Variants in LEPR observed in about 807,000 individuals in gnomAD.
LEPR encodes the protein leptin receptor.
Under a neutral mutation model 114.7 loss-of-function variants are expected in LEPR, and 56 were observed. The observed-to-expected ratio is 0.49, with a 90% CI of 0.39 to 0.61. The LOEUF is 0.61. Among genes scored for constraint, LEPR ranks in the 20% least tolerant of loss-of-function variants. LEPR has a pLI of 0.00. For synonymous variants in LEPR, 443 were observed against 461.4 expected (o/e 0.96, Z 0.51); for missense variants, 1,202 against 1,352.9 (o/e 0.89, Z 1.75).
intron 2 of LEPR, among the ~76,000 whole-genome samples, chr1:65,481,265 C>G (rs1386212791): frequency 6.6e-6 from 1 of 152,064 alleles, no homozygotes; most frequent in East Asian, 1.9e-4. Flanking sequence ...AATACAGTCA[C>G]AATTCGAGGA....
chr1:65,544,386 A>G (rs1205984984), intron 2 of LEPR, among the ~76,000 whole-genome samples: 1 of 151,970 alleles, frequency 6.6e-6, no homozygotes, highest in African/African-American at 2.4e-5. Context: ...GTCCTCTGCA[A>G]ACAGAGACAA....
At chr1:65,504,475 CTT>C (rs1342177792) in intron 2 of LEPR, among the ~76,000 whole-genome samples, 1 of 152,180 alleles carries the variant, frequency 6.6e-6, no homozygotes, top group African/African-American at 2.4e-5. Context: ...GGAAATGACA[CTT>C]AACTTCTGTG....
In LEPR at chr1:65,608,735, T is replaced by C; in HGVS notation, c.1604-18T>C. 1 of 1,610,698 alleles carries C rather than the reference T, an allele frequency of 6.2e-7. No homozygotes were observed. Among genetic ancestry groups the C allele is most frequent in the Non-Finnish European group, 8.5e-7 (1 of 1,177,914 alleles). On this transcript the variant is annotated intron_variant, in intron 11 of 19. Transcript: ENST00000349533. ...TATTTAAATTACCATCACTTAATAC[T>C]ATTGTAAAAATTTCTAGTGAAGCCA...
Position 65,550,343 on chromosome 1 carries a change from A to C in LEPR, c.-20-15203A>C, listed in dbSNP as rs1001906013. The stretch of plus-strand genomic sequence containing the variant: ...GCTGGGAGAACCACTGCTCTCTTCA[A>C]CGCTGTCAGACAGGAACATTTAAGT... On this transcript the variant is annotated intron_variant, in intron 2 of 19. Transcript: ENST00000349533. Among the ~76,000 whole-genome samples, 101 of 152,120 alleles carry C rather than the reference A, an allele frequency of 6.6e-4. 1 individual carries two copies. Among genetic ancestry groups the C allele is most frequent in the Non-Finnish European group, 2.9e-4 (20 of 67,998 alleles).
intron 19 of LEPR, chr1:65,626,244 G>A: frequency 6.8e-7 from 1 of 1,463,610 alleles, no homozygotes; most frequent in Non-Finnish European, 9.1e-7. Context: ...GCTGCCACAG[G>A]TCATCTGACA....
At chr1:65,485,575 A>G (rs1647444649) in intron 2 of LEPR, among the ~76,000 whole-genome samples, 1 of 152,130 alleles carries the variant, frequency 6.6e-6, no homozygotes. Context: ...GGTTGCTTAC[A>G]TAAATCTTTT....
rs748597245 is a variant in LEPR, at chr1:65,572,461, A to G, written c.494+12A>G. ...CTTTTATATGTTCTGTAAGTACCAA[A>G]TAATTAATTTGGCATTTCTAATACA... is the stretch of plus-strand genomic sequence containing the variant. On this transcript the variant is annotated intron_variant, in intron 5 of 19. Transcript: ENST00000349533. 4 of 1,586,154 alleles carry G rather than the reference A, an allele frequency of 2.5e-6. No individual in the cohort carries two copies. Among genetic ancestry groups the G allele is most frequent in the Middle Eastern group, 1.9e-4 (1 of 5,220 alleles).
At chr1:65,620,230 C>T (rs1557700775) in intron 17 of LEPR, among the ~76,000 whole-genome samples, 1 of 152,062 alleles carries the variant, frequency 6.6e-6, no homozygotes, top group African/African-American at 2.4e-5. Flanking sequence ...CACTGGGCCT[C>T]TTATATTTCT....
chr1:65,433,694 T>C (rs1646519557), intron 2 of LEPR: 1 of 972,674 alleles, frequency 1.0e-6, no homozygotes, highest in Non-Finnish European at 1.2e-6. Context: ...AGTTGTCATT[T>C]CCAATATTTA....
chr1:65,557,416 G>C (rs1416058996), intron 2 of LEPR, among the ~76,000 whole-genome samples: 1 of 151,908 alleles, frequency 6.6e-6, no homozygotes, highest in Non-Finnish European at 1.5e-5. Flanking sequence ...AAAAATTTCT[G>C]TCACTTTTTC....
Position 65,538,621 on chromosome 1 carries a change from A to G in LEPR, c.-20-26925A>G, listed in dbSNP as rs117291834. On this transcript the variant is annotated intron_variant, in intron 2 of 19. Coordinates refer to ENST00000349533, the MANE Select transcript of LEPR (RefSeq NM_002303.6). ...AATTCTAAACTGAAAAGAATTTTCT[A>G]TAAGTCAGTTGCTGGATTATTTTCT... Among the ~76,000 whole-genome samples, 531 of 152,308 alleles carry G rather than the reference A, an allele frequency of 3.5e-3. 10 individuals are homozygous for G. In the East Asian group the frequency reaches 0.048, roughly 14 times the overall value.
chr1:65,507,535 G>GTTTA (rs1466987525), intron 2 of LEPR, among the ~76,000 whole-genome samples: 1 of 81,342 alleles, frequency 1.2e-5, no homozygotes, highest in African/African-American at 4.3e-5. Context: ...ATATATATGT[G>GTTTA]TGTATATATA....
chr1:65,449,260 CTTTTTT>C (rs201429452), intron 2 of LEPR, among the ~76,000 whole-genome samples: 2 of 118,560 alleles, frequency 1.7e-5, no homozygotes, highest in African/African-American at 6.3e-5. Flanking sequence ...TTTTATTTAT[CTTTTTT>C]TTTTTTTTTT....
chr1:65,493,625 T>C (rs1341719508), intron 2 of LEPR, among the ~76,000 whole-genome samples: 1 of 152,194 alleles, frequency 6.6e-6, no homozygotes, highest in Non-Finnish European at 1.5e-5. Context: ...TATATTCACA[T>C]TGTTGTACAA....
chr1:65,609,342 T>C (rs1256905421), intron 12 of LEPR, among the ~76,000 whole-genome samples: 1 of 152,248 alleles, frequency 6.6e-6, no homozygotes, highest in Non-Finnish European at 1.5e-5. Flanking sequence ...TATCTTTTAG[T>C]ACATACATGT....
intron 14 of LEPR, among the ~76,000 whole-genome samples, chr1:65,613,100 C>T (rs1177358715): frequency 6.6e-6 from 1 of 152,130 alleles, no homozygotes; most frequent in South Asian, 2.1e-4. Flanking sequence ...TGTCTGTTCT[C>T]CCACATTAAC....
At chr1:65,496,460 C>T (rs549308809) in intron 2 of LEPR, among the ~76,000 whole-genome samples, 2 of 151,950 alleles carry the variant, frequency 1.3e-5, no homozygotes, top group Non-Finnish European at 2.9e-5. Flanking sequence ...GCCTGTAGTC[C>T]CTGCCAGTTG....
intron 2 of LEPR, among the ~76,000 whole-genome samples, chr1:65,468,494 G>A (rs1647043154): frequency 6.6e-6 from 1 of 152,180 alleles, no homozygotes; most frequent in Non-Finnish European, 1.5e-5. Flanking sequence ...AAAAATTGAT[G>A]GCAGAGCAGG....
intron 5 of LEPR, among the ~76,000 whole-genome samples, chr1:65,590,635 C>T (rs957239117): frequency 1.3e-5 from 2 of 152,030 alleles, no homozygotes; most frequent in Non-Finnish European, 2.9e-5. Flanking sequence ...GAGGCCTCCT[C>T]AGCCCTGAGG....
Sources: gnomAD v4.1 joint callset for allele counts (sites outside exome capture counted in the v4.1 genomes callset) on GRCh38, gnomAD v4.1.1 for gene constraint, MANE v1.5 for transcripts, NCBI Gene and HGNC (gene_info 2026-07-23, HGNC 2026-07-21) for gene names.